The following DAG1 variants were observed in gnomAD, a reference collection of about 807,000 sequenced individuals.
DAG1 encodes dystroglycan 1.
In DAG1, 8 loss-of-function variants were observed where a neutral mutation model predicts 46.1. The observed-to-expected ratio is 0.17, with a 90% CI of 0.10 to 0.31. The LOEUF (loss-of-function observed/expected upper bound fraction) is 0.31. Among genes scored for constraint, DAG1 ranks in the 10% least tolerant of loss-of-function variants. The pLI, the probability that DAG1 is intolerant of heterozygous loss-of-function variation, is 1.00. For synonymous variants in DAG1, 495 were observed against 481.8 expected (o/e 1.03, Z -0.36); for missense variants, 1,003 against 1,189.9 (o/e 0.84, Z 2.31).
intron 1 of DAG1, among the ~76,000 whole-genome samples, chr3:49,501,378 C>A (rs559622042): frequency 1.3e-5 from 2 of 152,300 alleles, no homozygotes; most frequent in South Asian, 4.1e-4. Context: ...TCTCCCCATT[C>A]ATTCATTAGG....
chr3:49,478,802 C>CTTTTTTTTTTTTTTTTTTTTTTTTTTT (rs201202889), intron 1 of DAG1, among the ~76,000 whole-genome samples: 3 of 76,000 alleles, frequency 3.9e-5, no homozygotes, highest in African/African-American at 5.4e-5. Context: ...CGTCCCCTCC[C>CTTTTTTTTTTTTTTTTTTTTTTTTTTT]TTTTTTTTTT....
chr3:49,475,168 G>A (rs2049645359), intron 1 of DAG1, among the ~76,000 whole-genome samples: 1 of 149,394 alleles, frequency 6.7e-6, no homozygotes, highest in Non-Finnish European at 1.5e-5. Flanking sequence ...GCAATGGTGC[G>A]ATATTGGTTC....
chr3:49,521,460 C>T (rs1263506392), intron 2 of DAG1, among the ~76,000 whole-genome samples: 4 of 152,098 alleles, frequency 2.6e-5, no homozygotes, highest in East Asian at 3.9e-4. Flanking sequence ...CCACTGCGCC[C>T]GGCCGTCTTT....
intron 1 of DAG1, among the ~76,000 whole-genome samples, chr3:49,482,662 T>G (rs376424117): frequency 1.3e-5 from 2 of 152,304 alleles, no homozygotes; most frequent in Middle Eastern, 3.4e-3. Flanking sequence ...TTGTCCTTAT[T>G]ATGATGCAAA....
At chr3:49,508,000 T>C (rs946205258) in intron 1 of DAG1, among the ~76,000 whole-genome samples, 1 of 152,124 alleles carries the variant, frequency 6.6e-6, no homozygotes, top group Admixed American at 6.6e-5. Context: ...CAATATCTAG[T>C]GATATCTCCT....
At chr3:49,513,618 G>A (rs2050819213) in intron 2 of DAG1, among the ~76,000 whole-genome samples, 1 of 151,980 alleles carries the variant, frequency 6.6e-6, no homozygotes, top group Non-Finnish European at 1.5e-5. Flanking sequence ...TTCCCTGTTG[G>A]TCACCTTCTT....
At chr3:49,525,181 A>C in intron 2 of DAG1, among the ~76,000 whole-genome samples, 1 of 152,146 alleles carries the variant, frequency 6.6e-6, no homozygotes, top group Non-Finnish European at 1.5e-5. Flanking sequence ...CTTCCTGAGT[A>C]GTACCCATGA....
chr3:49,529,050 C>T (rs550911868), intron 2 of DAG1, among the ~76,000 whole-genome samples: 20 of 152,030 alleles, frequency 1.3e-4, no homozygotes, highest in Non-Finnish European at 2.1e-4. Flanking sequence ...GGGGTTTCGC[C>T]GTGTTGGCCA....
At chr3:49,524,098 CGT>C (rs2051106699) in intron 2 of DAG1, among the ~76,000 whole-genome samples, 1 of 152,172 alleles carries the variant, frequency 6.6e-6, no homozygotes, top group African/African-American at 2.4e-5. Context: ...CCAGAGTTCC[CGT>C]GGACTGAGGG....
intron 1 of DAG1, among the ~76,000 whole-genome samples, chr3:49,490,346 C>A (rs1455835769): frequency 1.4e-5 from 2 of 146,494 alleles, no homozygotes; most frequent in East Asian, 3.9e-4. Context: ...GAGTGAGACT[C>A]TGTCTCAAAA....
chr3:49,500,715 T>C (rs538262266), intron 1 of DAG1, among the ~76,000 whole-genome samples: 1 of 152,312 alleles, frequency 6.6e-6, no homozygotes, highest in East Asian at 1.9e-4. Flanking sequence ...TCAGGAAGAC[T>C]AGGTGGCTGT....
At chr3:49,530,596 A>G (rs2051311903) in intron 2 of DAG1, among the ~76,000 whole-genome samples, 2 of 152,174 alleles carry the variant, frequency 1.3e-5, no homozygotes, top group Admixed American at 1.3e-4. Flanking sequence ...TTGCCTCCCA[A>G]GTTAGCCCAT....
chr3:49,484,477 A>T (rs1214635094), intron 1 of DAG1, among the ~76,000 whole-genome samples: 2 of 152,000 alleles, frequency 1.3e-5, no homozygotes, highest in African/African-American at 4.8e-5. Context: ...ATCAGATGGT[A>T]CCTCTGTTAT....
chr3:49,469,484 C>T (rs142658338), upstream of DAG1, among the ~76,000 whole-genome samples: 71 of 152,264 alleles, frequency 4.7e-4, no homozygotes, highest in Admixed American at 1.0e-3. Context: ...TATTTCTTCC[C>T]CCACCAAAAG....
chr3:49,531,755 C>T lies in DAG1; in HGVS notation c.1244C>T (p.Ala415Val), dbSNP rs1325576792. Reference sequence around the variant, plus strand: ...ATTCCTGGCTATGTGGAGCCTACTGCAGTTGCTACCCCTCCCACAACCACC... The same window carrying T: ...ATTCCTGGCTATGTGGAGCCTACTGTAGTTGCTACCCCTCCCACAACCACC... ...MTIPGYVEPT[A>V]VATPPTTTTK... The change falls in exon 3 of 3, where the codon GCA (alanine) becomes GTA (valine). Residue 415 changes from alanine to valine, a missense_variant. Around this residue, in one of 3 missense-constraint regions of DAG1, gnomAD observed 755 missense variants for 854.1 expected, o/e 0.88. Coordinates refer to ENST00000308775, the MANE Select transcript of DAG1 (RefSeq NM_004393.6). This position sits in a 1 kb window ranked among gnomAD's most constrained non-coding sequence, Gnocchi z 7.0. The T allele has an allele frequency of 1.2e-6, 2 of 1,614,070 alleles. No individual in the cohort carries two copies. The highest frequency in any genetic ancestry group is 8.5e-7 in the Non-Finnish European group (1 of 1,180,024).
intron 1 of DAG1, among the ~76,000 whole-genome samples, chr3:49,484,669 G>A (rs1028413993): frequency 1.3e-5 from 2 of 152,164 alleles, no homozygotes; most frequent in African/African-American, 4.8e-5. Flanking sequence ...AGGAAGAATG[G>A]GGTCCATTGT....
intron 1 of DAG1, among the ~76,000 whole-genome samples, chr3:49,503,827 CAAAAAAAA>C (rs57105506): frequency 2.3e-5 from 3 of 130,844 alleles, no homozygotes; most frequent in African/African-American, 8.8e-5. Context: ...GACCCTGTCT[CAAAAAAAA>C]AAAAAGAAAA....
chr3:49,481,396 C>CAAAA (rs10715955), intron 1 of DAG1, among the ~76,000 whole-genome samples: 1 of 93,844 alleles, frequency 1.1e-5, no homozygotes. Flanking sequence ...GACTCTGCCT[C>CAAAA]AAAAAAAAAA....
At position 49,504,920 on chromosome 3, in the gene DAG1, A is replaced by G. The variant is rs553438539; in HGVS notation, c.-116-5499A>G. ...GCCACTGTGCCCAGCTGTATTCCCT[A>G]TTATATTCCATTGGTCTATGTATCT... On this transcript the variant is annotated intron_variant, in intron 1 of 2. Transcript: ENST00000308775. Among the ~76,000 whole-genome samples, 41 of 148,720 alleles carry G rather than the reference A, an allele frequency of 2.8e-4. 1 individual carries two copies. The South Asian group carries it at 7.5e-3, about 27-fold the overall frequency.
Sources: gnomAD v4.1 joint callset for allele counts (sites outside exome capture counted in the v4.1 genomes callset) on GRCh38, gnomAD v4.1.1 for gene constraint, gnomAD v4.1.1 regional missense constraint, Gnocchi (gnomAD v3.1) non-coding constraint, MANE v1.5 for transcripts, NCBI Gene and HGNC (gene_info 2026-07-23, HGNC 2026-07-21) for gene names.